Variants in JCAD observed in about 807,000 individuals in gnomAD.
JCAD encodes junctional cadherin 5 associated.
A neutral mutation model predicts 98.0 loss-of-function variants in JCAD; 40 were observed. That is an observed-to-expected ratio of 0.41 (90% CI 0.32 to 0.53). JCAD has a LOEUF of 0.53. Ranked by LOEUF, JCAD falls within the 20% of genes least tolerant of loss-of-function variation. The pLI, the probability that JCAD is intolerant of heterozygous loss-of-function variation, is 0.31. For synonymous variants in JCAD, 691 were observed against 682.3 expected, an observed-to-expected ratio of 1.01 and a Z score of -0.20; for missense variants, 1,705 against 1,738.1, an observed-to-expected ratio of 0.98 and a Z score of 0.34.
chr10:30,101,799 C>T (rs1007946163), intron 1 of JCAD, among the ~76,000 whole-genome samples: 1 of 152,180 alleles, frequency 6.6e-6, no homozygotes, highest in East Asian at 1.9e-4. Flanking sequence ...GAAATCTTAT[C>T]TTCACTTTGC....
At chr10:30,109,080 C>A (rs1479798908) in intron 1 of JCAD, among the ~76,000 whole-genome samples, 1 of 152,156 alleles carries the variant, frequency 6.6e-6, no homozygotes, top group Non-Finnish European at 1.5e-5. Flanking sequence ...AGCATCTTCC[C>A]TCGTCCTCAG....
intron 1 of JCAD, among the ~76,000 whole-genome samples, chr10:30,050,798 A>G (rs1226676532): frequency 6.6e-6 from 1 of 152,222 alleles, no homozygotes; most frequent in Non-Finnish European, 1.5e-5. Flanking sequence ...ACCAACTCCA[A>G]GGAAAAACCT....
In JCAD at chr10:30,029,229, C is replaced by T. The variant is rs745959235; in HGVS notation, c.919G>A (p.Gly307Arg). ...SYSSHQQSRG[G>R]ADSSDSQDSQ... ...TCCTGAGAGTCACTGCTGTCCGCTC[C>T]TCCCCTAGACTGCTGGTGCGAGCTG... The change falls in exon 3 of 4, where the codon GGA becomes AGA. Residue 307 changes from glycine to arginine, a missense_variant. Physicochemically the swap from Gly to Arg is moderately radical, Grantham distance 125 (BLOSUM62 -2). Around this residue, in one of 3 missense-constraint regions of JCAD, gnomAD observed 275 missense variants for 346.9 expected, o/e 0.79. Coordinates refer to ENST00000375377, the MANE Select transcript of JCAD (RefSeq NM_020848.4). 1 of 1,614,170 alleles carries T rather than the reference C, an allele frequency of 6.2e-7. No individual in the cohort carries two copies. Among genetic ancestry groups the T allele is most frequent in the Non-Finnish European group, 8.5e-7 (1 of 1,180,042 alleles).
chr10:30,029,690 G>A lies in JCAD; in HGVS notation c.458C>T (p.Pro153Leu). 6.2e-7 allele frequency: 1 copy of A among 1,614,186 alleles called. No homozygotes were observed. Among genetic ancestry groups the A allele is most frequent in the Non-Finnish European group, 8.5e-7 (1 of 1,180,042 alleles). ...CTCTGACCTTCCTCCAACTTCCCATGGACCCTCCCTCACGTGGACAGGCAG... is the reference window on the plus strand; with the variant it reads ...CTCTGACCTTCCTCCAACTTCCCATAGACCCTCCCTCACGTGGACAGGCAG... ...HSLPVHVREG[P>L]WEVGGRSEHV... Residue 153 changes from proline to leucine, a missense_variant, in exon 3 of 4, where the codon CCA becomes CTA. Pro to Leu is a moderately conservative substitution (Grantham distance 98). This residue lies in a region of JCAD where 275 missense variants were observed against 346.9 expected (regional missense o/e 0.79). Coordinates refer to ENST00000375377, the MANE Select transcript of JCAD (RefSeq NM_020848.4).
At chr10:30,017,974 G>GT in intron 3 of JCAD, 57 bp from the exon 4 acceptor site, 2 of 1,375,792 alleles carry the variant, frequency 1.5e-6, no homozygotes, top group South Asian at 2.5e-5. Context: ...TCTATTTTCT[G>GT]TTTAATCCTT....
chr10:30,109,256 CA>C (rs1450947989), intron 1 of JCAD, among the ~76,000 whole-genome samples: 2 of 152,188 alleles, frequency 1.3e-5, no homozygotes, highest in Admixed American at 1.3e-4. Context: ...CTGCCTGTAC[CA>C]GGGGCATCAT....
At chr10:30,021,746 G>A (rs776837060) in intron 3 of JCAD, among the ~76,000 whole-genome samples, 11 of 152,148 alleles carry the variant, frequency 7.2e-5, no homozygotes, top group Non-Finnish European at 1.2e-4. Context: ...TGTGATGAGC[G>A]GCTACAATAT....
Position 30,026,831 on chromosome 10 carries a change from G to A in JCAD, c.3317C>T (p.Ala1106Val), listed in dbSNP as rs772260546. The part of the protein sequence containing the change: ...VESLLPGIRR[A>V]GQNQPAEPDA... ...GGGCTCAGCAGGCTGGTTCTGTCCC[G>A]CTCTCCGGATGCCCGGCAGGAGGGA... Residue 1106 changes from alanine to valine, a missense_variant, in exon 3 of 4, where the codon GCG becomes GTG. This residue lies in a region of JCAD where 1,278 missense variants were observed against 1,243.1 expected (regional missense o/e 1.03). Transcript: ENST00000375377. The A allele has an allele frequency of 5.6e-6, 9 of 1,613,772 alleles. No homozygotes were observed. In the South Asian group the frequency reaches 6.6e-5, roughly 12 times the overall value.
chr10:30,040,709 C>T (rs767008330), intron 2 of JCAD, among the ~76,000 whole-genome samples: 5 of 152,218 alleles, frequency 3.3e-5, no homozygotes, highest in Admixed American at 1.3e-4. Context: ...CTAGGGAGGC[C>T]GCCTAAAGGC....
chr10:30,025,960 G>T, intron 3 of JCAD, 143 bp downstream of exon 3: 1 of 929,420 alleles, frequency 1.1e-6, no homozygotes, highest in East Asian at 2.4e-5. Context: ...CGAAAATGAG[G>T]AATCTTTTGA....
At chr10:30,043,825 A>G (rs1009885632) in intron 2 of JCAD, among the ~76,000 whole-genome samples, 6 of 152,126 alleles carry the variant, frequency 3.9e-5, no homozygotes, top group Admixed American at 6.5e-5. Flanking sequence ...GGGGGTGGGG[A>G]AGTTGTGGCT....
At chr10:30,079,486 G>C (rs1168804516) in intron 1 of JCAD, among the ~76,000 whole-genome samples, 1 of 152,234 alleles carries the variant, frequency 6.6e-6, no homozygotes, top group South Asian at 2.1e-4. Context: ...GTTTTAAGGA[G>C]AAAAACTTCC....
rs975590055 is a variant in JCAD at position 30,080,673 on chromosome 10, C to A, written n.129-10852G>T. Among the ~76,000 whole-genome samples, 3 of 152,022 alleles carry A rather than the reference C, an allele frequency of 2.0e-5. No homozygotes were observed. In the South Asian group the frequency reaches 6.2e-4, roughly 32 times the overall value. On this transcript the variant is annotated intron_variant and non_coding_transcript_variant, in intron 1 of 2. Coordinates refer to the JCAD transcript ENST00000465712. Reference sequence around the variant, plus strand: ...ACTCACCCCCAGTCATTAGGACAGCCCCCAATCTCACCACTCTGCAGGCCA... The same window carrying A: ...ACTCACCCCCAGTCATTAGGACAGCACCCAATCTCACCACTCTGCAGGCCA...
At chr10:30,068,234 C>CA (rs1210767727) in intron 2 of JCAD, among the ~76,000 whole-genome samples, 1 of 151,592 alleles carries the variant, frequency 6.6e-6, no homozygotes, top group African/African-American at 2.4e-5. Context: ...ACTAAAAATA[C>CA]AAAAAAATTA....
chr10:30,041,173 C>A (rs547986637), intron 2 of JCAD, among the ~76,000 whole-genome samples: 6 of 151,926 alleles, frequency 3.9e-5, no homozygotes, highest in Non-Finnish European at 7.4e-5. Flanking sequence ...AGCTTCCAGG[C>A]GCTTCTGGAA....
At chr10:30,110,782 A>G (rs1474247105) in intron 1 of JCAD, among the ~76,000 whole-genome samples, 1 of 151,828 alleles carries the variant, frequency 6.6e-6, no homozygotes, top group East Asian at 1.9e-4. Context: ...GGACCAGTTG[A>G]TGTATGGACC....
At position 30,027,628 on chromosome 10, in the gene JCAD, C is replaced by G; in HGVS notation, c.2520G>C (p.Lys840Asn). 1 of 1,614,248 alleles carries G rather than the reference C, an allele frequency of 6.2e-7. No individual in the cohort carries two copies. Among genetic ancestry groups the G allele is most frequent in the Non-Finnish European group, 8.5e-7 (1 of 1,180,046 alleles). ...TGCTTTCTTCCTCTTCCTGGAGCTC[C>G]TTGTTAAAACTTTCTAACTGACTGA... ...DLISQLESFNKELQEEEESSS... is the reference protein window; with the variant it reads ...DLISQLESFNNELQEEEESSS... Residue 840 changes from lysine to asparagine, a missense_variant, in exon 3 of 4, where the codon AAG (lysine) becomes AAC (asparagine). Around this residue, in one of 3 missense-constraint regions of JCAD, gnomAD observed 1,278 missense variants for 1,243.1 expected, o/e 1.03. Coordinates refer to ENST00000375377, the MANE Select transcript of JCAD (RefSeq NM_020848.4).
At chr10:30,097,554 C>T (rs1211623062) in intron 1 of JCAD, among the ~76,000 whole-genome samples, 1 of 152,148 alleles carries the variant, frequency 6.6e-6, no homozygotes, top group Non-Finnish European at 1.5e-5. Flanking sequence ...TCAAGACTAG[C>T]CTGACCAACA....
chr10:30,040,633 T>C (rs12254624), intron 2 of JCAD, among the ~76,000 whole-genome samples: 16,956 of 152,180 alleles, frequency 0.11, 2,521 homozygotes, highest in African/African-American at 0.34. Flanking sequence ...GCAGAAAAGG[T>C]GGTCACTAGT....
Sources: gnomAD v4.1 joint callset for allele counts (sites outside exome capture counted in the v4.1 genomes callset) on GRCh38, gnomAD v4.1.1 for gene constraint, gnomAD v4.1.1 regional missense constraint, MANE v1.5 for transcripts, NCBI Gene and HGNC (gene_info 2026-07-23, HGNC 2026-07-21) for gene names.